The following NRG3 variants were observed in gnomAD, a reference collection of about 807,000 sequenced individuals.
NRG3 encodes pro-neuregulin-3, membrane-bound isoform.
In NRG3, 31 loss-of-function variants were observed where a neutral mutation model predicts 66.9. The ratio of observed to expected loss-of-function variants is 0.46; its 90% CI spans 0.35 to 0.63. NRG3 has a LOEUF of 0.63. Ranked by LOEUF, NRG3 falls within the 20% of genes least tolerant of loss-of-function variation. NRG3 has a pLI of 0.00. For missense variants in NRG3, 910 were observed against 878.9 expected, an observed-to-expected ratio of 1.04 and a Z score of -0.45; for synonymous variants, 393 against 359.4, an observed-to-expected ratio of 1.09 and a Z score of -1.06.
At chr10:82,025,332 G>A (rs1173201330) in intron 1 of NRG3, among the ~76,000 whole-genome samples, 5 of 151,274 alleles carry the variant, frequency 3.3e-5, no homozygotes, top group Admixed American at 6.6e-5. Flanking sequence ...TTCCATGTAC[G>A]TATATTTGAA....
intron 1 of NRG3, among the ~76,000 whole-genome samples, chr10:82,173,233 T>C (rs2133125017): frequency 6.6e-6 from 1 of 152,188 alleles, no homozygotes; most frequent in Non-Finnish European, 1.5e-5. Flanking sequence ...CAATTTCCTG[T>C]TAAAGGTAAA....
chr10:82,647,979 C>G (rs1451158960), intron 2 of NRG3, among the ~76,000 whole-genome samples: 1 of 147,418 alleles, frequency 6.8e-6, no homozygotes, highest in African/African-American at 2.5e-5. Flanking sequence ...ATGGTAGTTT[C>G]TTTTGCTGTG....
chr10:82,967,842 T>C (rs1241813793), intron 6 of NRG3, among the ~76,000 whole-genome samples: 1 of 152,228 alleles, frequency 6.6e-6, no homozygotes, highest in African/African-American at 2.4e-5. Flanking sequence ...GTGTGGTTCC[T>C]GGAGGTCAAA....
At chr10:81,926,802 C>T (rs11191824) in intron 1 of NRG3, among the ~76,000 whole-genome samples, 4,384 of 152,166 alleles carry the variant, frequency 0.029, 165 homozygotes, top group African/African-American at 0.085. Flanking sequence ...AGTTTTAATC[C>T]GTAGATGTAC....
At chr10:82,745,492 T>C (rs1263768095) in intron 3 of NRG3, among the ~76,000 whole-genome samples, 2 of 152,160 alleles carry the variant, frequency 1.3e-5, no homozygotes, top group Non-Finnish European at 2.9e-5. Context: ...CCAGGAGCCA[T>C]AAAAACATTG....
chr10:82,306,609 C>G (rs1438509395), intron 1 of NRG3, among the ~76,000 whole-genome samples: 2 of 145,262 alleles, frequency 1.4e-5, no homozygotes, highest in Non-Finnish European at 3.0e-5. Context: ...GAGGCTGAGG[C>G]AGGAGAATGG....
At chr10:81,920,575 T>G (rs1185997551) in intron 1 of NRG3, among the ~76,000 whole-genome samples, 2 of 152,210 alleles carry the variant, frequency 1.3e-5, no homozygotes, top group Non-Finnish European at 2.9e-5. Context: ...CATATGGATA[T>G]TCAATTTGGA....
chr10:82,574,904 T>C (rs1011271031), intron 2 of NRG3, among the ~76,000 whole-genome samples: 1 of 151,794 alleles, frequency 6.6e-6, no homozygotes, highest in African/African-American at 2.4e-5. Flanking sequence ...AAGAGTAGAA[T>C]GGTGGTTACC....
chr10:82,546,294 CA>C (rs1368957357), intron 2 of NRG3, among the ~76,000 whole-genome samples: 1 of 152,124 alleles, frequency 6.6e-6, no homozygotes, highest in African/African-American at 2.4e-5. Context: ...TTTCTTTGTT[CA>C]TCTCTTCTTA....
At chr10:82,419,623 TAAAAC>T (rs1304717581) in intron 2 of NRG3, among the ~76,000 whole-genome samples, 1 of 152,190 alleles carries the variant, frequency 6.6e-6, no homozygotes, top group Non-Finnish European at 1.5e-5. Context: ...TATATGTTCT[TAAAAC>T]AGTGCAAGCC....
At chr10:82,477,479 G>A (rs1233007408) in intron 2 of NRG3, among the ~76,000 whole-genome samples, 3 of 152,064 alleles carry the variant, frequency 2.0e-5, no homozygotes, top group African/African-American at 4.8e-5. Context: ...TTATGTGTCC[G>A]AGCAAGTATT....
intron 2 of NRG3, among the ~76,000 whole-genome samples, chr10:82,608,144 A>G (rs970590482): frequency 1.3e-5 from 2 of 152,202 alleles, no homozygotes; most frequent in African/African-American, 2.4e-5. Context: ...TTTGTCTAAG[A>G]AAGTCTTAAC....
At chr10:82,317,977 A>G (rs2081377433) in intron 1 of NRG3, among the ~76,000 whole-genome samples, 1 of 151,972 alleles carries the variant, frequency 6.6e-6, no homozygotes, top group African/African-American at 2.4e-5. Flanking sequence ...TAGACAAATG[A>G]GGCAGAGTAA....
chr10:82,030,393 C>G (rs565717855), intron 1 of NRG3, among the ~76,000 whole-genome samples: 10 of 152,116 alleles, frequency 6.6e-5, no homozygotes, highest in Non-Finnish European at 1.3e-4. Context: ...CGTAACACAA[C>G]TCTCTATACA....
intron 1 of NRG3, among the ~76,000 whole-genome samples, chr10:81,899,676 G>C (rs1843846919): frequency 6.6e-6 from 1 of 152,154 alleles, no homozygotes; most frequent in Non-Finnish European, 1.5e-5. Flanking sequence ...AGCTGCCCTG[G>C]GACCATGAAG....
intron 1 of NRG3, among the ~76,000 whole-genome samples, chr10:82,288,339 A>T (rs2079537429): frequency 6.6e-6 from 1 of 152,050 alleles, no homozygotes; most frequent in Non-Finnish European, 1.5e-5. Context: ...AGGATTAGAG[A>T]GGTTAAGTAA....
chr10:81,990,004 A>G (rs932803673), intron 1 of NRG3, among the ~76,000 whole-genome samples: 2 of 152,190 alleles, frequency 1.3e-5, no homozygotes, highest in African/African-American at 4.8e-5. Flanking sequence ...ATTATAGATC[A>G]TGTATGAAAC....
At chr10:82,424,504 A>C (rs1438456935) in intron 2 of NRG3, among the ~76,000 whole-genome samples, 1 of 151,924 alleles carries the variant, frequency 6.6e-6, no homozygotes, top group African/African-American at 2.4e-5. Flanking sequence ...TGTTTTTATC[A>C]TTATTATATG....
At chr10:81,953,474 G>A (rs1329330742) in intron 1 of NRG3, among the ~76,000 whole-genome samples, 3 of 152,294 alleles carry the variant, frequency 2.0e-5, no homozygotes, top group East Asian at 3.9e-4. Flanking sequence ...AAAGACCTCA[G>A]TCTGTACCTT....
Sources: allele counts gnomAD v4.1 joint callset (sites outside exome capture counted in the v4.1 genomes callset), GRCh38; gene constraint gnomAD v4.1.1; transcripts MANE v1.5; gene names NCBI Gene and HGNC (gene_info 2026-07-23, HGNC 2026-07-21).